The following ERC1 variants were observed in gnomAD, a reference collection of about 807,000 sequenced individuals.
ERC1 encodes the protein ELKS/RAB6-interacting/CAST family member 1.
Under a neutral mutation model 132.0 loss-of-function variants are expected in ERC1, and 56 were observed. The observed-to-expected ratio is 0.42, with a 90% CI of 0.34 to 0.53. The LOEUF is 0.53. Ranked by LOEUF, ERC1 falls within the 20% of genes least tolerant of loss-of-function variation. ERC1 has a pLI of 0.03. For synonymous variants in ERC1, 478 were observed against 476.1 expected, an observed-to-expected ratio of 1.00 and a Z score of -0.05; for missense variants, 1,202 against 1,349.9, an observed-to-expected ratio of 0.89 and a Z score of 1.72.
At chr12:1,480,448 C>T (rs2094066208) in intron 18 of ERC1, among the ~76,000 whole-genome samples, 1 of 152,098 alleles carries the variant, frequency 6.6e-6, no homozygotes, top group African/African-American at 2.4e-5. Flanking sequence ...GTATTTTTCA[C>T]TGTAATAGTT....
intron 3 of ERC1, among the ~76,000 whole-genome samples, chr12:1,102,058 T>C (rs1442791941): frequency 6.6e-6 from 1 of 151,972 alleles, no homozygotes; most frequent in Non-Finnish European, 1.5e-5. Context: ...AGGAAAAGGG[T>C]GGAGTTTAGA....
At chr12:1,097,483 C>T (rs1000030847) in intron 3 of ERC1, among the ~76,000 whole-genome samples, 2 of 152,166 alleles carry the variant, frequency 1.3e-5, no homozygotes, top group African/African-American at 4.8e-5. Context: ...CTGTTCTCCC[C>T]ACTATTTGGA....
Position 1,083,148 on chromosome 12 carries a change from T to C in ERC1, c.670-16T>C. The stretch of plus-strand genomic sequence containing the variant: ...GGAAAGCTGATTTGGGGGTTTTCTT[T>C]TTGTCTTGGTTCTAGCACATGCAGA... On this transcript the variant is annotated splice_polypyrimidine_tract_variant and intron_variant, in intron 2 of 18. Transcript: ENST00000360905. The C allele has an allele frequency of 6.3e-7, 1 of 1,582,516 alleles. No individual in the cohort carries two copies. The highest frequency in any genetic ancestry group is 1.2e-5 in the South Asian group (1 of 86,498).
intron 14 of ERC1, among the ~76,000 whole-genome samples, chr12:1,285,835 A>G (rs1352532985): frequency 1.3e-5 from 2 of 152,368 alleles, no homozygotes; most frequent in African/African-American, 4.8e-5. Flanking sequence ...TTACAAGTTA[A>G]TACAGGAAAA....
At chr12:1,109,893 C>T (rs1478091783) in intron 4 of ERC1, among the ~76,000 whole-genome samples, 4 of 152,152 alleles carry the variant, frequency 2.6e-5, no homozygotes, top group Non-Finnish European at 4.4e-5. Flanking sequence ...ACTAAAAATA[C>T]AAAAATTAGC....
chr12:1,010,176 A>G (rs1042692553), intron 1 of ERC1, among the ~76,000 whole-genome samples: 1 of 152,176 alleles, frequency 6.6e-6, no homozygotes, highest in Non-Finnish European at 1.5e-5. Flanking sequence ...GGACTTTTCC[A>G]GGTCGAAGAG....
intron 14 of ERC1, among the ~76,000 whole-genome samples, chr12:1,264,519 C>T (rs1173160107): frequency 1.3e-5 from 2 of 152,150 alleles, no homozygotes; most frequent in East Asian, 3.9e-4. Flanking sequence ...AAAAAATTAG[C>T]TGGGCGTGGT....
At chr12:1,050,310 G>C (rs1321111863) in intron 2 of ERC1, among the ~76,000 whole-genome samples, 1 of 152,180 alleles carries the variant, frequency 6.6e-6, no homozygotes, top group Non-Finnish European at 1.5e-5. Flanking sequence ...TGTGAGACAG[G>C]GAAGTGGTGG....
chr12:1,411,543 C>T (rs572305323), intron 17 of ERC1, among the ~76,000 whole-genome samples: 28 of 152,156 alleles, frequency 1.8e-4, no homozygotes, highest in East Asian at 1.4e-3. Flanking sequence ...GAAGTTGAAA[C>T]GCACTGGGTC....
intron 2 of ERC1, among the ~76,000 whole-genome samples, chr12:1,057,771 T>A (rs1973272023): frequency 1.3e-5 from 2 of 151,958 alleles, no homozygotes; most frequent in African/African-American, 4.8e-5. Flanking sequence ...AATTTTGGTA[T>A]TTTTAGTAGA....
chr12:1,323,624 C>A (rs1395951731), intron 15 of ERC1, among the ~76,000 whole-genome samples: 1 of 152,122 alleles, frequency 6.6e-6, no homozygotes, highest in Non-Finnish European at 1.5e-5. Context: ...CATATTACAC[C>A]TAGAGTTCGT....
chr12:1,440,271 C>T (rs1404841675), intron 17 of ERC1, among the ~76,000 whole-genome samples: 4 of 137,444 alleles, frequency 2.9e-5, no homozygotes, highest in Admixed American at 1.5e-4. Flanking sequence ...GTGGTGCCAT[C>T]TCGGCTCACT....
At chr12:1,404,802 C>T (rs1235925550) in intron 16 of ERC1, among the ~76,000 whole-genome samples, 2 of 152,150 alleles carry the variant, frequency 1.3e-5, no homozygotes, top group Non-Finnish European at 2.9e-5. Context: ...CCAAAAGGCC[C>T]ATTTCATAAT....
At chr12:1,425,017 C>T (rs931666893) in intron 17 of ERC1, among the ~76,000 whole-genome samples, 13 of 152,134 alleles carry the variant, frequency 8.5e-5, no homozygotes, top group African/African-American at 2.2e-4. Flanking sequence ...TCCTTAAAAC[C>T]TAAGAACCTT....
chr12:1,351,922 CAT>C (rs1259338772), intron 15 of ERC1, among the ~76,000 whole-genome samples: 1 of 152,084 alleles, frequency 6.6e-6, no homozygotes, highest in Non-Finnish European at 1.5e-5. Flanking sequence ...TATTTAAACA[CAT>C]ATTATTTATA....
chr12:1,077,510 A>G (rs1181655812), intron 2 of ERC1, among the ~76,000 whole-genome samples: 1 of 152,190 alleles, frequency 6.6e-6, no homozygotes, highest in Non-Finnish European at 1.5e-5. Context: ...TTTCATTGAG[A>G]TATAGCTTGG....
chr12:1,042,633 C>T (rs572330241), intron 2 of ERC1, among the ~76,000 whole-genome samples: 5 of 152,060 alleles, frequency 3.3e-5, no homozygotes, highest in East Asian at 1.9e-4. Flanking sequence ...CCACCGCACT[C>T]GGCCTAGTAT....
chr12:1,046,434 T>A (rs1490688354), intron 2 of ERC1, among the ~76,000 whole-genome samples: 1 of 152,342 alleles, frequency 6.6e-6, no homozygotes, highest in African/African-American at 2.4e-5. Flanking sequence ...TTGTGATATG[T>A]GAAAATTATA....
intron 15 of ERC1, among the ~76,000 whole-genome samples, chr12:1,367,510 T>G (rs904843230): frequency 1.3e-5 from 2 of 152,192 alleles, no homozygotes. Context: ...CTCATTCAGA[T>G]TTTTAACCAC....
Sources: allele counts gnomAD v4.1 joint callset (sites outside exome capture counted in the v4.1 genomes callset), GRCh38; gene constraint gnomAD v4.1.1; transcripts MANE v1.5; gene names NCBI Gene and HGNC (gene_info 2026-07-23, HGNC 2026-07-21).